Variants in TNIK observed in about 807,000 individuals in gnomAD.
TNIK encodes the protein TRAF2 and NCK-interacting protein kinase.
A neutral mutation model predicts 191.3 loss-of-function variants in TNIK; 49 were observed. The ratio of observed to expected loss-of-function variants is 0.26; its 90% CI spans 0.20 to 0.32. The LOEUF (loss-of-function observed/expected upper bound fraction) is 0.32, where lower values mean the gene tolerates loss of function less well. Ranked by LOEUF, TNIK falls within the 10% of genes least tolerant of loss-of-function variation. The probability of loss-of-function intolerance (pLI) is 1.00; values close to 1 mark genes in which losing one functional copy is unlikely to be tolerated. For synonymous variants in TNIK, 594 were observed against 600.9 expected (o/e 0.99, Z 0.17); for missense variants, 1,155 against 1,702.3 (o/e 0.68, Z 5.66).
rs1728820212 is a variant in TNIK at position 171,128,714 on chromosome 3, C to T, written c.1773G>A (p.Gln591=). 6.2e-7 allele frequency: 1 copy of T among 1,610,374 alleles called. No homozygotes were observed. Among genetic ancestry groups the T allele is most frequent in the African/African-American group, 1.3e-5 (1 of 74,698 alleles). The change falls in exon 16 of 33, where the codon CAG becomes CAA. Residue 591 remains glutamine (Q), a splice_region_variant and synonymous_variant. Transcript: ENST00000436636. Reference sequence around the variant, plus strand: ...CTGATGGAATGGAGGCAGACTGTACCTGGGGATCGACTGGTCTGAGCATGG... The same window carrying T: ...CTGATGGAATGGAGGCAGACTGTACTTGGGGATCGACTGGTCTGAGCATGG... The part of the protein sequence containing the change: ...TPPMLRPVDP[Q]IPHLVAVKSQ...
chr3:171,435,053 T>C (rs1242548399), intron 1 of TNIK, among the ~76,000 whole-genome samples: 6 of 152,212 alleles, frequency 3.9e-5, no homozygotes, highest in African/African-American at 1.4e-4. Flanking sequence ...TGTAGGGACC[T>C]GATACGTTTA....
chr3:171,224,012 A>G (rs1448310489), intron 3 of TNIK, among the ~76,000 whole-genome samples: 2 of 152,136 alleles, frequency 1.3e-5, no homozygotes, highest in African/African-American at 4.8e-5. Flanking sequence ...CCAGGCGTGG[A>G]CTGGAGAGTA....
chr3:171,351,091 A>G (rs757167294), intron 2 of TNIK, among the ~76,000 whole-genome samples: 4 of 152,022 alleles, frequency 2.6e-5, no homozygotes, highest in Non-Finnish European at 5.9e-5. Flanking sequence ...ACGTTTCACT[A>G]TGTTGCTCAG....
chr3:171,217,943 G>T (rs1207235836), intron 3 of TNIK, among the ~76,000 whole-genome samples: 2 of 152,132 alleles, frequency 1.3e-5, no homozygotes, highest in Non-Finnish European at 1.5e-5. Context: ...GTAGCATGTG[G>T]TCTACTTTGG....
At chr3:171,333,402 C>T (rs1469165644) in intron 2 of TNIK, among the ~76,000 whole-genome samples, 1 of 151,574 alleles carries the variant, frequency 6.6e-6, no homozygotes, top group Non-Finnish European at 1.5e-5. Context: ...CTAAAAAGTA[C>T]AAAAATTAGC....
chr3:171,188,815 C>T lies in TNIK; in HGVS notation c.526G>A (p.Ala176Thr). 2 of 1,613,334 alleles carry T rather than the reference C, an allele frequency of 1.2e-6. No homozygotes were observed. Among genetic ancestry groups the T allele is most frequent in the Non-Finnish European group, 1.7e-6 (2 of 1,179,446 alleles). The change falls in exon 7 of 33, where the codon GCT becomes ACT. Residue 176 changes from alanine to threonine, a missense_variant. Transcript: ENST00000436636. The part of the protein sequence containing the change: ...EVKLVDFGVS[A>T]QLDRTVGRRN... ...CTGCCCACTGTTCGATCAAGCTGAG[C>T]ACTGACTCCAAAGTCCACTATTTAA...
chr3:171,169,354 G>T (rs564965143), intron 9 of TNIK, among the ~76,000 whole-genome samples: 1 of 151,824 alleles, frequency 6.6e-6, no homozygotes, highest in East Asian at 1.9e-4. Flanking sequence ...TGCAACCTCT[G>T]CCTCTCACGT....
intron 15 of TNIK, 44 bp from the exon 16 acceptor site, chr3:171,128,922 ATAGAAG>A: frequency 6.7e-7 from 1 of 1,483,770 alleles, no homozygotes; most frequent in Admixed American, 2.5e-5. Context: ...GCCTCAATGT[ATAGAAG>A]TAGATCACCT....
chr3:171,181,926 A>G (rs1324612487), intron 7 of TNIK, among the ~76,000 whole-genome samples: 6 of 152,214 alleles, frequency 3.9e-5, no homozygotes, highest in African/African-American at 1.4e-4. Context: ...GAGAGGTCTC[A>G]TTTGTTAGGT....
intron 6 of TNIK, 79 bp from the exon 7 acceptor site, chr3:171,188,911 T>C (rs1737688496): frequency 6.5e-7 from 1 of 1,530,394 alleles, no homozygotes; most frequent in Admixed American, 1.9e-5. Flanking sequence ...AATTATTTTA[T>C]TGTGGTAAAA....
At chr3:171,376,032 C>T (rs1026756514) in intron 1 of TNIK, among the ~76,000 whole-genome samples, 3 of 152,116 alleles carry the variant, frequency 2.0e-5, no homozygotes, top group African/African-American at 7.2e-5. Context: ...ATCTGCCAAA[C>T]GACTGTGCTT....
At chr3:171,129,462 T>C (rs1404753240) in intron 15 of TNIK, among the ~76,000 whole-genome samples, 1 of 152,202 alleles carries the variant, frequency 6.6e-6, no homozygotes, top group Non-Finnish European at 1.5e-5. Flanking sequence ...TTTTTCTCTC[T>C]TTAGGGGTCT....
intron 1 of TNIK, among the ~76,000 whole-genome samples, chr3:171,407,752 G>A (rs190676806): frequency 7.2e-5 from 11 of 152,276 alleles, no homozygotes; most frequent in East Asian, 1.9e-4. Context: ...TTTGTGACAC[G>A]ACAGCATCTT....
At chr3:171,297,312 G>A (rs78434909) in intron 2 of TNIK, among the ~76,000 whole-genome samples, 1,869 of 152,246 alleles carry the variant, frequency 0.012, 23 homozygotes, top group Non-Finnish European at 0.016. Context: ...CAAATAAGGC[G>A]ATATGTTGGG....
chr3:171,339,869 G>A lies in TNIK; in HGVS notation c.123+29751C>T, dbSNP rs113191255. ...GTTGGCATACACCAGCTCATGGGCC[G>A]GTTTCCAGCCCCTCCCAGTCTGCCT... On this transcript the variant is annotated intron_variant, in intron 2 of 32. Transcript: ENST00000436636. Among the ~76,000 whole-genome samples, 381 of 152,230 alleles carry A rather than the reference G, an allele frequency of 2.5e-3. 2 individuals carry two copies. Among genetic ancestry groups the A allele is most frequent in the Middle Eastern group, 6.8e-3 (2 of 294 alleles).
chr3:171,259,492 C>CT (rs1257885840), intron 2 of TNIK, among the ~76,000 whole-genome samples: 1 of 152,086 alleles, frequency 6.6e-6, no homozygotes, highest in Non-Finnish European at 1.5e-5. Flanking sequence ...TAACACTAAG[C>CT]CCTTGAACAA....
chr3:171,243,475 C>T (rs1381049080), intron 2 of TNIK, among the ~76,000 whole-genome samples: 2 of 151,460 alleles, frequency 1.3e-5, no homozygotes, highest in African/African-American at 4.8e-5. Context: ...CACATTGTTA[C>T]ACAACTCCAA....
intron 2 of TNIK, among the ~76,000 whole-genome samples, chr3:171,253,430 TTGTC>T: frequency 6.6e-6 from 1 of 152,194 alleles, no homozygotes; most frequent in African/African-American, 2.4e-5. Context: ...TCACATATGG[TTGTC>T]TGATAAATCC....
intron 2 of TNIK, among the ~76,000 whole-genome samples, chr3:171,329,202 T>C (rs1323506019): frequency 6.6e-6 from 1 of 152,172 alleles, no homozygotes; most frequent in Non-Finnish European, 1.5e-5. Flanking sequence ...TTTCCTATAC[T>C]CGTTCATAAT....
Sources: allele counts gnomAD v4.1 joint callset (sites outside exome capture counted in the v4.1 genomes callset), GRCh38; gene constraint gnomAD v4.1.1; transcripts MANE v1.5; gene names NCBI Gene and HGNC (gene_info 2026-07-23, HGNC 2026-07-21).